Variants in SCML4 observed in about 807,000 individuals in gnomAD.
The protein encoded by SCML4 is Scm polycomb group protein like 4, also known as sex comb on midleg-like protein 4.
A neutral mutation model predicts 41.1 loss-of-function variants in SCML4; 34 were observed. That is an observed-to-expected ratio of 0.83 (90% CI 0.63 to 1.10). The LOEUF (loss-of-function observed/expected upper bound fraction) is 1.10. Among genes scored for constraint, SCML4 ranks in the 50% least tolerant of loss-of-function variants. The pLI, the probability that SCML4 is intolerant of heterozygous loss-of-function variation, is 0.00. For missense variants in SCML4, 522 were observed against 534.1 expected (o/e 0.98, Z 0.22); for synonymous variants, 214 against 220.9 (o/e 0.97, Z 0.28).
chr6:107,776,488 G>T (rs1035177742), intron 1 of SCML4, among the ~76,000 whole-genome samples: 3 of 152,134 alleles, frequency 2.0e-5, no homozygotes, highest in Non-Finnish European at 4.4e-5. Flanking sequence ...AAAAGATTCT[G>T]CACTTTATTG....
chr6:107,722,398 G>C lies in SCML4; in HGVS notation c.683-1405C>G, dbSNP rs868504088. On this transcript the variant is annotated intron_variant, in intron 5 of 7. Coordinates refer to ENST00000369020, the MANE Select transcript of SCML4 (RefSeq NM_198081.5). ...GGTGGGGGAAGTCCAGAGAAATTAC[G>C]GTGATAGAAAGAAGGAAACTATTCT... Among the ~76,000 whole-genome samples the C allele has an allele frequency of 2.6e-5, 4 of 152,014 alleles. No homozygotes were observed. In the Middle Eastern group the frequency reaches 0.01, roughly 388 times the overall value.
At chr6:107,731,305 A>T (rs1201442381) in intron 5 of SCML4, among the ~76,000 whole-genome samples, 1 of 152,234 alleles carries the variant, frequency 6.6e-6, no homozygotes, top group African/African-American at 2.4e-5. Context: ...TTATTTTTAA[A>T]AACTAAACTG....
At chr6:107,784,141 G>T (rs1176959000) in intron 1 of SCML4, among the ~76,000 whole-genome samples, 1 of 152,208 alleles carries the variant, frequency 6.6e-6, no homozygotes, top group South Asian at 2.1e-4. Context: ...GAAAAGGACA[G>T]CATCTGCCTG....
At chr6:107,755,144 A>AC (rs1393283824) in intron 2 of SCML4, among the ~76,000 whole-genome samples, 1 of 152,044 alleles carries the variant, frequency 6.6e-6, no homozygotes, top group Non-Finnish European at 1.5e-5. Context: ...TGTTCACTGA[A>AC]CCCACCTCAA....
At position 107,749,790 on chromosome 6, in the gene SCML4, A is replaced by T. The variant is rs773186443; in HGVS notation, c.180T>A (p.Thr60=). Residue 60 remains threonine, a synonymous_variant, in exon 3 of 8, where the codon ACT becomes ACA. Transcript: ENST00000369020. The stretch of plus-strand genomic sequence containing the variant: ...TCCGCGGAGGTGAGAGGGCTAAGGG[A>T]GTCATGAGAACCCGAGACTTGATCT... The part of the protein sequence containing the change: ...GYKIKSRVLM[T]PLALSPPRST... 4 of 1,613,944 alleles carry T rather than the reference A, an allele frequency of 2.5e-6. No individual in the cohort carries two copies. The highest frequency in any genetic ancestry group is 3.4e-6 in the Non-Finnish European group (4 of 1,180,004).
chr6:107,809,404 A>C (rs1354710650), intron 1 of SCML4, among the ~76,000 whole-genome samples: 1 of 152,270 alleles, frequency 6.6e-6, no homozygotes, highest in African/African-American at 2.4e-5. Flanking sequence ...AAGCGGGTTA[A>C]AGGGAGGAGA....
intron 2 of SCML4, among the ~76,000 whole-genome samples, chr6:107,759,068 C>T (rs897823137): frequency 6.5e-5 from 9 of 138,294 alleles, no homozygotes; most frequent in African/African-American, 2.5e-4. Context: ...AAGAGGGTCA[C>T]TTGAGCTCAT....
At chr6:107,789,687 C>A (rs1782172389) in intron 1 of SCML4, among the ~76,000 whole-genome samples, 1 of 152,222 alleles carries the variant, frequency 6.6e-6, no homozygotes, top group African/African-American at 2.4e-5. Context: ...CCAGATTCAT[C>A]TCTGAGTCGT....
the SCML4 span, among the ~76,000 whole-genome samples, chr6:107,841,618 A>G: frequency 6.6e-6 from 1 of 152,342 alleles, no homozygotes; most frequent in South Asian, 2.1e-4. Context: ...ATCAAAATAG[A>G]TTGACTGTAT....
Position 107,720,435 on chromosome 6 carries a change from T to G in SCML4, c.973+268A>C, listed in dbSNP as rs983513790. 41 of 1,137,334 alleles carry G rather than the reference T, an allele frequency of 3.6e-5. No individual in the cohort carries two copies. The African/African-American group carries it at 5.9e-4, about 16-fold the overall frequency. The allele number at this position is 1,137,334 out of a possible 1,614,324, so 70.5% of individuals were successfully genotyped here. On this transcript the variant is annotated intron_variant, in intron 6 of 7. Transcript: ENST00000369020. Reference sequence around the variant, plus strand: ...TCACCTTTGGCTCTCGAACAAAAATTTCTATGGTATTTGAGCCTGTGTACA... The same window carrying G: ...TCACCTTTGGCTCTCGAACAAAAATGTCTATGGTATTTGAGCCTGTGTACA...
chr6:107,717,743 T>G (rs1200811470), intron 6 of SCML4, among the ~76,000 whole-genome samples: 1 of 152,212 alleles, frequency 6.6e-6, no homozygotes. Flanking sequence ...AGACGGGGTT[T>G]CACCATGTTG....
At chr6:107,774,116 A>G (rs909191396) in intron 1 of SCML4, among the ~76,000 whole-genome samples, 9 of 152,318 alleles carry the variant, frequency 5.9e-5, no homozygotes, top group African/African-American at 2.2e-4. Flanking sequence ...TTTTGAATGC[A>G]CTGTTAAACA....
intron 1 of SCML4, among the ~76,000 whole-genome samples, chr6:107,809,824 C>T (rs1784028178): frequency 6.6e-6 from 1 of 152,170 alleles, no homozygotes; most frequent in Non-Finnish European, 1.5e-5. Context: ...CCTCAAGTGC[C>T]TAACCCCTCA....
At chr6:107,778,182 G>A (rs1401617633) in intron 1 of SCML4, among the ~76,000 whole-genome samples, 1 of 116,444 alleles carries the variant, frequency 8.6e-6, no homozygotes, top group Non-Finnish European at 1.7e-5. Context: ...AACAGAGTGA[G>A]CGAGACTCTA....
rs545690766 is a variant in SCML4, at chr6:107,741,021, CT to C, written c.682+3927del. On this transcript the variant is annotated intron_variant, in intron 5 of 7. Transcript: ENST00000369020. ...TGCCCTTCTTTATTGCTGCAGGCAA[CT>C]GGCCTGAAGCAAGCCTGAGCTGGGT... Among the ~76,000 whole-genome samples, 64 of 152,256 alleles carry C rather than the reference CT, an allele frequency of 4.2e-4. 1 individual carries two copies. The highest frequency in any genetic ancestry group is 6.6e-4 in the Non-Finnish European group (45 of 68,014).
At chr6:107,796,885 T>C (rs987084649) in intron 1 of SCML4, among the ~76,000 whole-genome samples, 1 of 152,160 alleles carries the variant, frequency 6.6e-6, no homozygotes, top group African/African-American at 2.4e-5. Flanking sequence ...GTTCACTCTT[T>C]CCGCATATGG....
chr6:107,807,322 C>A (rs1783814645), intron 1 of SCML4, among the ~76,000 whole-genome samples: 1 of 152,182 alleles, frequency 6.6e-6, no homozygotes, highest in South Asian at 2.1e-4. Flanking sequence ...TGGACGCCAG[C>A]CCACCAGGCA....
chr6:107,748,966 G>A (rs1370368171), intron 3 of SCML4, among the ~76,000 whole-genome samples: 1 of 152,192 alleles, frequency 6.6e-6, no homozygotes, highest in Non-Finnish European at 1.5e-5. Flanking sequence ...ACTGAGAGAA[G>A]AGCAGTGGGG....
chr6:107,821,133 G>A (rs1414444734), intron 1 of SCML4, among the ~76,000 whole-genome samples: 1 of 152,160 alleles, frequency 6.6e-6, no homozygotes, highest in East Asian at 1.9e-4. Flanking sequence ...TCACCTTATT[G>A]ATAAAAGGGT....
Sources: allele counts gnomAD v4.1 joint callset (sites outside exome capture counted in the v4.1 genomes callset), GRCh38; gene constraint gnomAD v4.1.1; transcripts MANE v1.5; gene names NCBI Gene and HGNC (gene_info 2026-07-23, HGNC 2026-07-21).